The following TFAP2D variants were observed in gnomAD, a reference collection of about 807,000 sequenced individuals.
TFAP2D encodes transcription factor AP-2 delta, also known as transcription factor AP-2-delta.
In TFAP2D, 9 loss-of-function variants were observed where a neutral mutation model predicts 43.6. The ratio of observed to expected loss-of-function variants is 0.21; its 90% confidence interval spans 0.12 to 0.36. The LOEUF is 0.36. Ranked by LOEUF, TFAP2D falls within the 10% of genes least tolerant of loss-of-function variation. The pLI is 1.00. For missense variants in TFAP2D, 513 were observed against 561.4 expected, an observed-to-expected ratio of 0.91 and a Z score of 0.87; for synonymous variants, 256 against 224.9, an observed-to-expected ratio of 1.14 and a Z score of -1.24.
chr6:50,768,915 T>C (rs1254907948), intron 7 of TFAP2D, among the ~76,000 whole-genome samples: 1 of 151,114 alleles, frequency 6.6e-6, no homozygotes, highest in Non-Finnish European at 1.5e-5. Context: ...TTTTTTTTTT[T>C]TTTTTGAGAC....
At chr6:50,747,710 T>A (rs558722154) in intron 6 of TFAP2D, among the ~76,000 whole-genome samples, 1 of 152,206 alleles carries the variant, frequency 6.6e-6, no homozygotes, top group South Asian at 2.1e-4. Flanking sequence ...TGTGTTTTAA[T>A]AGAAGTAAAT....
At chr6:50,751,644 C>A (rs1673468824) in intron 7 of TFAP2D, among the ~76,000 whole-genome samples, 1 of 151,840 alleles carries the variant, frequency 6.6e-6, no homozygotes, top group African/African-American at 2.4e-5. Context: ...CCCCTGGGCT[C>A]TTTTATAAGG....
chr6:50,718,772 G>A (rs562707042), intron 2 of TFAP2D, among the ~76,000 whole-genome samples: 10 of 152,270 alleles, frequency 6.6e-5, no homozygotes, highest in African/African-American at 2.2e-4. Context: ...CTGTATATAC[G>A]CTGTGTGCCT....
intron 5 of TFAP2D, among the ~76,000 whole-genome samples, chr6:50,733,818 G>C (rs1768926495): frequency 1.3e-5 from 2 of 152,052 alleles, no homozygotes; most frequent in Admixed American, 1.3e-4. Flanking sequence ...TGAGTGGTGT[G>C]CTTCCTGGGA....
At position 50,751,189 on chromosome 6, in the gene TFAP2D, A is replaced by T. The variant is rs1418450416; in HGVS notation, c.1026-22A>T. On this transcript the variant is annotated intron_variant, in intron 6 of 7. Transcript: ENST00000008391. ...AGCTCAATTTGAAAATTTCAATTTT[A>T]AATTTGATTCTTTTATTTTAGACAA... The T allele has an allele frequency of 2.6e-6, 4 of 1,519,960 alleles. No individual in the cohort carries two copies. The East Asian group carries it at 6.8e-5, about 26-fold the overall frequency. 94.2% of individuals were successfully genotyped at this position (1,519,960 alleles called of 1,614,324 possible).
chr6:50,769,646 C>A (rs985214265), intron 7 of TFAP2D, among the ~76,000 whole-genome samples: 30 of 152,198 alleles, frequency 2.0e-4, no homozygotes, highest in Admixed American at 1.7e-3. Context: ...ATTTTACCAG[C>A]CATCAAGGCT....
At chr6:50,722,674 G>A (rs1193024432) in intron 3 of TFAP2D, among the ~76,000 whole-genome samples, 1 of 151,978 alleles carries the variant, frequency 6.6e-6, no homozygotes, top group East Asian at 1.9e-4. Context: ...TATTGGAATC[G>A]CAGGGTGGGG....
intron 7 of TFAP2D, among the ~76,000 whole-genome samples, chr6:50,755,429 TAA>T (rs35437406): frequency 3.5e-5 from 5 of 141,466 alleles, no homozygotes; most frequent in Non-Finnish European, 3.1e-5. Context: ...CTTGAAACTG[TAA>T]AAAAAAAAAA....
chr6:50,766,920 G>A (rs1258803899), intron 7 of TFAP2D, among the ~76,000 whole-genome samples: 7 of 151,774 alleles, frequency 4.6e-5, no homozygotes, highest in East Asian at 3.9e-4. Flanking sequence ...CACCCGCCTC[G>A]GCCTCCCAAA....
chr6:50,769,029 T>A (rs1769485068), intron 7 of TFAP2D, among the ~76,000 whole-genome samples: 1 of 151,556 alleles, frequency 6.6e-6, no homozygotes, highest in East Asian at 2.0e-4. Flanking sequence ...GTAGCTGGGA[T>A]TACAGGCATG....
intron 6 of TFAP2D, among the ~76,000 whole-genome samples, chr6:50,749,280 A>G (rs930977854): frequency 5.3e-5 from 8 of 151,700 alleles, no homozygotes; most frequent in Non-Finnish European, 7.4e-5. Flanking sequence ...TTCTTCGTCA[A>G]TTTTATTATA....
At chr6:50,736,394 T>G (rs556124474) in intron 5 of TFAP2D, among the ~76,000 whole-genome samples, 1 of 152,150 alleles carries the variant, frequency 6.6e-6, no homozygotes, top group Non-Finnish European at 1.5e-5. Context: ...CATAAATGTC[T>G]TATTCTAAGC....
intron 7 of TFAP2D, among the ~76,000 whole-genome samples, chr6:50,754,687 G>T (rs574582061): frequency 1.3e-5 from 2 of 151,940 alleles, no homozygotes; most frequent in South Asian, 4.2e-4. Context: ...TGGGTATGAG[G>T]TGATATTTCA....
intron 7 of TFAP2D, among the ~76,000 whole-genome samples, chr6:50,760,054 T>C (rs35580045): frequency 0.055 from 8,308 of 152,100 alleles, 313 homozygotes; most frequent in Non-Finnish European, 0.084. Context: ...TATACCTATC[T>C]TGAAGTATGA....
intron 6 of TFAP2D, among the ~76,000 whole-genome samples, chr6:50,748,330 A>G (rs548223730): frequency 6.6e-6 from 1 of 152,110 alleles, no homozygotes; most frequent in South Asian, 2.1e-4. Context: ...AGTAGCCTAT[A>G]TGGATATTCA....
chr6:50,723,153 G>A (rs1768756787), intron 3 of TFAP2D, among the ~76,000 whole-genome samples: 1 of 152,224 alleles, frequency 6.6e-6, no homozygotes, highest in South Asian at 2.1e-4. Flanking sequence ...TTACGCCGCG[G>A]TACAAACATT....
chr6:50,720,104 A>G (rs1332304776), intron 3 of TFAP2D, among the ~76,000 whole-genome samples: 1 of 152,232 alleles, frequency 6.6e-6, no homozygotes, highest in Non-Finnish European at 1.5e-5. Flanking sequence ...CATACGAATT[A>G]ATAAGATGTG....
At chr6:50,754,746 A>G (rs1033600711) in intron 7 of TFAP2D, among the ~76,000 whole-genome samples, 1 of 151,862 alleles carries the variant, frequency 6.6e-6, no homozygotes, top group Non-Finnish European at 1.5e-5. Context: ...ACATCTTTTC[A>G]TATGCTTCTT....
At chr6:50,753,240 C>A (rs1428519563) in intron 7 of TFAP2D, among the ~76,000 whole-genome samples, 3 of 151,916 alleles carry the variant, frequency 2.0e-5, no homozygotes, top group Non-Finnish European at 4.4e-5. Context: ...AAATGAGACT[C>A]TGTCATGTAT....
Sources: gnomAD v4.1 joint callset for allele counts (sites outside exome capture counted in the v4.1 genomes callset) on GRCh38, gnomAD v4.1.1 for gene constraint, MANE v1.5 for transcripts, NCBI Gene and HGNC (gene_info 2026-07-23, HGNC 2026-07-21) for gene names.